The following UTRN variants were observed in gnomAD, a reference collection of about 807,000 sequenced individuals.
The protein encoded by UTRN is dystrophin-related protein 1.
A neutral mutation model predicts 463.9 loss-of-function variants in UTRN; 283 were observed. The ratio of observed to expected loss-of-function variants is 0.61; its 90% CI spans 0.55 to 0.67. UTRN has a LOEUF of 0.67. UTRN is among the 30% of genes least tolerant of loss of function. UTRN has a pLI of 0.00. For synonymous variants in UTRN, 1,442 were observed against 1,431.5 expected, an observed-to-expected ratio of 1.01 and a Z score of -0.17; for missense variants, 3,922 against 4,084.3, an observed-to-expected ratio of 0.96 and a Z score of 1.08.
At chr6:144,787,099 AG>A (rs1250035208) in intron 61 of UTRN, among the ~76,000 whole-genome samples, 1 of 152,206 alleles carries the variant, frequency 6.6e-6, no homozygotes, top group African/African-American at 2.4e-5. Flanking sequence ...TTTTCCCTGT[AG>A]GGATCACTTT....
intron 1 of UTRN, among the ~76,000 whole-genome samples, chr6:144,289,190 C>G (rs537722257): frequency 1.1e-4 from 17 of 152,354 alleles, no homozygotes; most frequent in East Asian, 3.9e-4. Flanking sequence ...TTTCTCCCAG[C>G]CTGCTATCCT....
intron 2 of UTRN, among the ~76,000 whole-genome samples, chr6:144,299,364 C>T (rs905730601): frequency 6.6e-6 from 1 of 152,142 alleles, no homozygotes; most frequent in Non-Finnish European, 1.5e-5. Context: ...AAAGCTACAA[C>T]GTTTATTATT....
chr6:144,516,441 A>T, intron 38 of UTRN, 54 bp downstream of exon 38: 1 of 1,548,522 alleles, frequency 6.5e-7, no homozygotes, highest in Non-Finnish European at 8.7e-7. Flanking sequence ...TTCTCTATTA[A>T]TTTCATTTTT....
chr6:144,820,621 G>A (rs1201734744), intron 65 of UTRN, among the ~76,000 whole-genome samples: 2 of 152,126 alleles, frequency 1.3e-5, no homozygotes, highest in Non-Finnish European at 2.9e-5. Flanking sequence ...TTTGGCCCAA[G>A]TTTTAAAATA....
intron 53 of UTRN, chr6:144,708,436 G>T (rs1785312878): frequency 3.1e-6 from 2 of 637,156 alleles, no homozygotes; most frequent in Non-Finnish European, 5.7e-6. Flanking sequence ...CTTCTCTAGA[G>T]GCTCTGACTC....
chr6:144,528,820 A>T (rs1431745113), intron 41 of UTRN, among the ~76,000 whole-genome samples: 1 of 152,262 alleles, frequency 6.6e-6, no homozygotes, highest in Non-Finnish European at 1.5e-5. Context: ...CATCAGCTGC[A>T]GTAGCATAGA....
intron 53 of UTRN, among the ~76,000 whole-genome samples, chr6:144,714,088 G>A (rs1786099300): frequency 1.3e-5 from 2 of 152,104 alleles, no homozygotes; most frequent in Non-Finnish European, 2.9e-5. Context: ...ACTGCTCATT[G>A]AGGGATGTTA....
intron 2 of UTRN, among the ~76,000 whole-genome samples, chr6:144,377,588 A>C (rs1456299972): frequency 6.6e-6 from 1 of 151,950 alleles, no homozygotes; most frequent in Non-Finnish European, 1.5e-5. Context: ...GATTGTTGCT[A>C]TTTTTTCTAC....
At chr6:144,526,986 G>C (rs1225173703) in intron 41 of UTRN, among the ~76,000 whole-genome samples, 4 of 151,940 alleles carry the variant, frequency 2.6e-5, no homozygotes. Context: ...TTTTAGTACA[G>C]GTGGGGTTTC....
intron 54 of UTRN, among the ~76,000 whole-genome samples, chr6:144,744,764 A>G (rs891305913): frequency 6.6e-6 from 1 of 152,082 alleles, no homozygotes; most frequent in East Asian, 1.9e-4. Context: ...ATTAGCCTCT[A>G]TTACTGCCTT....
chr6:144,545,831 C>G (rs1158544968), intron 46 of UTRN, among the ~76,000 whole-genome samples: 1 of 152,110 alleles, frequency 6.6e-6, no homozygotes, highest in Non-Finnish European at 1.5e-5. Flanking sequence ...ACCAGCCTGG[C>G]CAACATGGTG....
intron 71 of UTRN, among the ~76,000 whole-genome samples, chr6:144,837,715 A>C (rs1399430378): frequency 6.6e-6 from 1 of 152,210 alleles, no homozygotes; most frequent in Non-Finnish European, 1.5e-5. Flanking sequence ...TTTTTAACTT[A>C]CCAGAATAAT....
At chr6:144,772,679 A>AAT (rs1400724537) in intron 59 of UTRN, among the ~76,000 whole-genome samples, 1 of 152,222 alleles carries the variant, frequency 6.6e-6, no homozygotes, top group Non-Finnish European at 1.5e-5. Flanking sequence ...CGTGCCATCA[A>AAT]ATTAGCTCAC....
At chr6:144,771,347 C>A (rs1562887799) in intron 58 of UTRN, among the ~76,000 whole-genome samples, 1 of 152,134 alleles carries the variant, frequency 6.6e-6, no homozygotes, top group East Asian at 1.9e-4. Flanking sequence ...TGGTCTCAAA[C>A]TCCTGGGCTC....
intron 2 of UTRN, among the ~76,000 whole-genome samples, chr6:144,400,191 A>G (rs1038051300): frequency 6.6e-6 from 1 of 152,228 alleles, no homozygotes; most frequent in Non-Finnish European, 1.5e-5. Flanking sequence ...ATACATTTAG[A>G]GAAGGTGTAT....
intron 30 of UTRN, 60 bp from the exon 31 acceptor site, chr6:144,490,011 T>A: frequency 6.4e-7 from 1 of 1,573,612 alleles, no homozygotes; most frequent in South Asian, 1.2e-5. Flanking sequence ...TTGTATTGTC[T>A]CTTTTTATAC....
At chr6:144,420,511 C>G (rs892874046) in intron 3 of UTRN, among the ~76,000 whole-genome samples, 1 of 152,156 alleles carries the variant, frequency 6.6e-6, no homozygotes, top group Admixed American at 6.5e-5. Flanking sequence ...ACCAAACTTA[C>G]AGTGAATGGA....
chr6:144,514,795 T>G lies in UTRN; in HGVS notation c.5219T>G (p.Val1740Gly). ...GAGCTGAATAGGAACTTTGAAAAGGTGTCTCAACATATCAAAAGTGCCAAA... is the reference window on the plus strand; with the variant it reads ...GAGCTGAATAGGAACTTTGAAAAGGGGTCTCAACATATCAAAAGTGCCAAA... ...LAELNRNFEK[V>G]SQHIKSAKLL... Residue 1740 changes from valine to glycine, a missense_variant, in exon 37 of 75, where the codon GTG becomes GGG. Transcript: ENST00000367545. The G allele has an allele frequency of 6.2e-7, 1 of 1,613,440 alleles. No individual in the cohort carries two copies. The highest frequency in any genetic ancestry group is 1.3e-5 in the African/African-American group (1 of 74,998).
chr6:144,804,891 G>A (rs905960456), intron 65 of UTRN, among the ~76,000 whole-genome samples: 2 of 152,162 alleles, frequency 1.3e-5, no homozygotes, highest in Non-Finnish European at 2.9e-5. Flanking sequence ...CTGTCTTCAG[G>A]TGTTGGCTAG....
Sources: allele counts gnomAD v4.1 joint callset (sites outside exome capture counted in the v4.1 genomes callset), GRCh38; gene constraint gnomAD v4.1.1; transcripts MANE v1.5; gene names NCBI Gene and HGNC (gene_info 2026-07-23, HGNC 2026-07-21).